Variants in ZNF765 observed in about 807,000 individuals in gnomAD.
ZNF765 encodes zinc finger protein 765.
In ZNF765, 37 loss-of-function variants were observed where a neutral mutation model predicts 44.7. That is an observed-to-expected ratio of 0.83 (90% CI 0.64 to 1.09). The LOEUF (loss-of-function observed/expected upper bound fraction) is 1.09, where lower values mean the gene tolerates loss of function less well. Ranked by LOEUF, ZNF765 falls within the 50% of genes least tolerant of loss-of-function variation. The pLI is 0.00. For synonymous variants in ZNF765, 201 were observed against 213.7 expected (o/e 0.94, Z 0.52); for missense variants, 594 against 626.1 (o/e 0.95, Z 0.55).
chr19:53,422,590 A>T (rs1363321939), intron 3 of ZNF765, among the ~76,000 whole-genome samples: 1 of 151,880 alleles, frequency 6.6e-6, no homozygotes, highest in African/African-American at 2.4e-5. Context: ...TTATTTATTT[A>T]TTTTGAGACG....
chr19:53,403,014 A>C (rs1381971172), intron 3 of ZNF765, among the ~76,000 whole-genome samples: 2 of 152,050 alleles, frequency 1.3e-5, no homozygotes, highest in Non-Finnish European at 2.9e-5. Flanking sequence ...CTCTCTACTA[A>C]AAATACAAAA....
chr19:53,410,769 T>A lies in ZNF765; in HGVS notation c.*1642T>A, dbSNP rs915408427. 7.7e-5 allele frequency: 34 copies of A among 443,354 alleles called. 1 individual carries two copies. Among genetic ancestry groups the A allele is most frequent in the African/African-American group, 5.1e-4 (25 of 49,296 alleles). 27.5% of individuals were successfully genotyped at this position (443,354 alleles called of 1,614,324 possible). A position where few individuals can be genotyped will look rare whatever the true frequency, so the allele number is the denominator to read the frequency against. On this transcript the variant is annotated 3_prime_UTR_variant, in exon 4 of 4. Coordinates refer to ENST00000396408, the MANE Select transcript of ZNF765 (RefSeq NM_001040185.3). ...GAGAGAAACCTTACAAATGTCATGA[T>A]TGTGACAAGGTCTCAGTCAAGCTTC... is the stretch of plus-strand genomic sequence containing the variant.
chr19:53,415,936 T>G, downstream of ZNF765, among the ~76,000 whole-genome samples: 1 of 132,182 alleles, frequency 7.6e-6, no homozygotes, highest in African/African-American at 2.7e-5. Context: ...CAAGATAACT[T>G]TCTTTTGTTT....
At chr19:53,403,939 TG>T (rs1283857627) in intron 3 of ZNF765, among the ~76,000 whole-genome samples, 4 of 152,236 alleles carry the variant, frequency 2.6e-5, no homozygotes, top group African/African-American at 9.6e-5. Context: ...TTTCTCTGTA[TG>T]TTGCATTCGC....
chr19:53,396,119 A>G (rs2617641), intron 1 of ZNF765, among the ~76,000 whole-genome samples: 12,241 of 148,902 alleles, frequency 0.082, 781 homozygotes, highest in African/African-American at 0.19. Flanking sequence ...GGCTCATCAG[A>G]GTGAGGGAGA....
At chr19:53,401,834 C>A in intron 2 of ZNF765, 1 of 1,093,114 alleles carries the variant, frequency 9.1e-7, no homozygotes, top group Non-Finnish European at 1.3e-6. Flanking sequence ...AGAGACTGTG[C>A]CATTGCACTC....
In ZNF765 at chr19:53,409,525, GA is replaced by G; in HGVS notation, c.*399del. On this transcript the variant is annotated 3_prime_UTR_variant, in exon 4 of 4. Transcript: ENST00000396408. ...ATGCCATTGTAGACTTCGTACTGGA[GA>G]GAAACCTTACAAATGTGAAGAATTT... 2.7e-6 allele frequency: 3 copies of G among 1,115,854 alleles called. No homozygotes were observed. The highest frequency in any genetic ancestry group is 2.7e-6 in the Non-Finnish European group (2 of 738,284). 69.1% of individuals were successfully genotyped at this position (1,115,854 alleles called of 1,614,324 possible). A position where few individuals can be genotyped will look rare whatever the true frequency, so the allele number is the denominator to read the frequency against.
rs186748743 is a variant in ZNF765, at chr19:53,419,788, C to T, written c.143-3274C>T. ...ATCCCAGCACTTTAGGAGGCCGAGG[C>T]GGGTGGATCACCTGAGGTCAGGAGT... is the stretch of plus-strand genomic sequence containing the variant. On this transcript the variant is annotated intron_variant, in intron 3 of 3. Coordinates refer to the ZNF765 transcript ENST00000594030. 3.9e-3 allele frequency among the ~76,000 whole-genome samples: 587 copies of T among 151,928 alleles called. 6 individuals carry two copies. The highest frequency in any genetic ancestry group is 0.014 in the African/African-American group (571 of 41,440).
chr19:53,423,305 T>A (rs1327417779), exon 4 of ZNF765: 1 of 645,966 alleles, frequency 1.5e-6, no homozygotes, highest in Non-Finnish European at 2.8e-6. Context: ...CTGCTGCTGA[T>A]CACGAGGGCA....
intron 3 of ZNF765, among the ~76,000 whole-genome samples, chr19:53,402,490 G>T (rs1358775165): frequency 6.6e-6 from 1 of 151,310 alleles, no homozygotes; most frequent in African/African-American, 2.4e-5. Flanking sequence ...TTGAAATCCT[G>T]ACCTCGTGAT....
At chr19:53,407,437 T>A (rs1385781644) in intron 3 of ZNF765, among the ~76,000 whole-genome samples, 1 of 152,212 alleles carries the variant, frequency 6.6e-6, no homozygotes, top group Non-Finnish European at 1.5e-5. Context: ...TGGAAAAATA[T>A]TCCTTACTTT....
chr19:53,416,109 C>G (rs972162707), downstream of ZNF765, among the ~76,000 whole-genome samples: 2 of 152,070 alleles, frequency 1.3e-5, no homozygotes, highest in African/African-American at 4.8e-5. Context: ...CGTGCACCAC[C>G]GTGCTGGCTA....
At chr19:53,419,816 G>A (rs375799003) in intron 3 of ZNF765, among the ~76,000 whole-genome samples, 2 of 151,812 alleles carry the variant, frequency 1.3e-5, no homozygotes, top group African/African-American at 4.8e-5. Flanking sequence ...TCAGGAGTTC[G>A]AGACCAGCCT....
chr19:53,401,318 C>CT (rs1215183611), intron 2 of ZNF765, among the ~76,000 whole-genome samples: 54 of 152,170 alleles, frequency 3.5e-4, no homozygotes, highest in African/African-American at 1.2e-3. Flanking sequence ...AATCCCAGCA[C>CT]TTTGGGAGGC....
rs1600058771 is a variant in ZNF765 at position 53,408,726 on chromosome 19, A to G, written c.1171A>G (p.Thr391Ala). The G allele has an allele frequency of 6.3e-7, 1 of 1,575,280 alleles. No homozygotes were observed. Among genetic ancestry groups the G allele is most frequent in the Non-Finnish European group, 8.6e-7 (1 of 1,157,176 alleles). ...KPYKCNECSK[T>A]FSHKSSLTYH... ...TTACAAGTGTAATGAGTGTAGCAAGACCTTTAGTCACAAGTCATCTCTTAC... is the reference window on the plus strand; with the variant it reads ...TTACAAGTGTAATGAGTGTAGCAAGGCCTTTAGTCACAAGTCATCTCTTAC... The change falls in exon 4 of 4, where the codon ACC becomes GCC. Residue 391 changes from threonine (T) to alanine (A), a missense_variant. By Grantham distance (58) the Thr-to-Ala change is moderately conservative (BLOSUM62 0). Coordinates refer to ENST00000396408, the MANE Select transcript of ZNF765 (RefSeq NM_001040185.3).
intron 3 of ZNF765, among the ~76,000 whole-genome samples, chr19:53,420,831 G>A (rs758580000): frequency 3.3e-5 from 5 of 152,140 alleles, no homozygotes; most frequent in Non-Finnish European, 7.4e-5. Flanking sequence ...CCTGTGGAAG[G>A]CCACAGGGAC....
chr19:53,417,861 T>C (rs2085884305), intron 3 of ZNF765, among the ~76,000 whole-genome samples: 1 of 149,952 alleles, frequency 6.7e-6, no homozygotes, highest in African/African-American at 2.4e-5. Flanking sequence ...TAAGGAAATC[T>C]ACTTTGGGTG....
Position 53,410,287 on chromosome 19 carries a change from C to A in ZNF765, c.*1160C>A. 3 of 357,692 alleles carry A rather than the reference C, an allele frequency of 8.4e-6. No homozygotes were observed. The highest frequency in any genetic ancestry group is 2.4e-5 in the South Asian group (1 of 41,330). 22.2% of individuals were successfully genotyped at this position (357,692 alleles called of 1,614,324 possible). On this transcript the variant is annotated 3_prime_UTR_variant, in exon 4 of 4. Transcript: ENST00000396408. Reference sequence around the variant, plus strand: ...TGAAGCATGTGACAAAGTTTACAGTCGCAAATCAAGCCTCCAAAGACAGGA... The same window carrying A: ...TGAAGCATGTGACAAAGTTTACAGTAGCAAATCAAGCCTCCAAAGACAGGA...
chr19:53,401,488 G>A (rs924854982), intron 2 of ZNF765, among the ~76,000 whole-genome samples: 7 of 152,058 alleles, frequency 4.6e-5, no homozygotes, highest in African/African-American at 1.4e-4. Flanking sequence ...GCGTGAACCG[G>A]GGAGGCGGAG....
Sources: gnomAD v4.1 joint callset for allele counts (sites outside exome capture counted in the v4.1 genomes callset) on GRCh38, gnomAD v4.1.1 for gene constraint, MANE v1.5 for transcripts, NCBI Gene and HGNC (gene_info 2026-07-23, HGNC 2026-07-21) for gene names.